The following EXOC6B variants were observed in gnomAD, a reference collection of about 807,000 sequenced individuals.
The protein encoded by EXOC6B is exocyst complex component 6B, also known as SEC15 homolog B.
A neutral mutation model predicts 113.5 loss-of-function variants in EXOC6B; 54 were observed. The ratio of observed to expected loss-of-function variants is 0.48; its 90% confidence interval spans 0.38 to 0.60. The LOEUF (loss-of-function observed/expected upper bound fraction) is 0.60, where lower values mean the gene tolerates loss of function less well. Among genes scored for constraint, EXOC6B ranks in the 20% least tolerant of loss-of-function variants. The pLI, the probability that EXOC6B is intolerant of heterozygous loss-of-function variation, is 0.00. For missense variants in EXOC6B, 797 were observed against 977.5 expected (o/e 0.82, Z 2.46); for synonymous variants, 357 against 339.0 (o/e 1.05, Z -0.58).
intron 16 of EXOC6B, among the ~76,000 whole-genome samples, chr2:72,489,608 CA>C (rs1170133220): frequency 6.6e-6 from 1 of 152,130 alleles, no homozygotes; most frequent in African/African-American, 2.4e-5. Flanking sequence ...ACATAGAAAG[CA>C]AAGTAATTTG....
At chr2:72,714,957 A>AT (rs748413760) in intron 6 of EXOC6B, among the ~76,000 whole-genome samples, 15 of 152,186 alleles carry the variant, frequency 9.9e-5, no homozygotes, top group Non-Finnish European at 1.8e-4. Flanking sequence ...AAAAACACAA[A>AT]TGTGGACTAA....
chr2:72,267,301 GGA>G (rs1284077750), intron 20 of EXOC6B, among the ~76,000 whole-genome samples: 5 of 152,162 alleles, frequency 3.3e-5, no homozygotes, highest in Non-Finnish European at 7.3e-5. Context: ...ATGTTGAATA[GGA>G]GTGGTGAGAG....
At chr2:72,206,898 CA>C (rs968641653) in intron 20 of EXOC6B, among the ~76,000 whole-genome samples, 2 of 151,366 alleles carry the variant, frequency 1.3e-5, no homozygotes, top group South Asian at 2.1e-4. Flanking sequence ...ATGCTTTTTG[CA>C]AAAAAAATTC....
At chr2:72,566,991 C>A (rs1337142412) in intron 7 of EXOC6B, among the ~76,000 whole-genome samples, 9 of 151,956 alleles carry the variant, frequency 5.9e-5, no homozygotes. Context: ...CAAAAACTAA[C>A]AACACTCATT....
intron 1 of EXOC6B, among the ~76,000 whole-genome samples, chr2:72,752,449 C>A: frequency 6.6e-6 from 1 of 152,002 alleles, no homozygotes; most frequent in East Asian, 1.9e-4. Flanking sequence ...AACAAAACAA[C>A]ACAGCCCATT....
intron 6 of EXOC6B, among the ~76,000 whole-genome samples, chr2:72,701,373 G>GA (rs1352582898): frequency 1.4e-5 from 2 of 147,100 alleles, no homozygotes; most frequent in Admixed American, 6.8e-5. Context: ...GTACCTAAGA[G>GA]AAAAAATTCC....
At chr2:72,594,494 G>A (rs1669941421) in intron 6 of EXOC6B, among the ~76,000 whole-genome samples, 1 of 152,148 alleles carries the variant, frequency 6.6e-6, no homozygotes, top group African/African-American at 2.4e-5. Context: ...TGAACACCCA[G>A]GAGATGATGG....
intron 6 of EXOC6B, among the ~76,000 whole-genome samples, chr2:72,644,273 G>A (rs1244763587): frequency 2.6e-5 from 4 of 152,100 alleles, no homozygotes; most frequent in Non-Finnish European, 1.5e-5. Flanking sequence ...AATGAACAAA[G>A]CCTCCAAGAA....
chr2:72,244,716 A>G (rs1482182437), intron 20 of EXOC6B, among the ~76,000 whole-genome samples: 1 of 152,184 alleles, frequency 6.6e-6, no homozygotes, highest in Non-Finnish European at 1.5e-5. Context: ...AAAAGGGGCT[A>G]TCATGACTGA....
Position 72,825,535 on chromosome 2 carries a change from G to A in EXOC6B, c.113+263C>T, listed in dbSNP as rs1004042140. ...GGGCGCCCTCTCGTTCCCCAGCGCC[G>A]GACCAGCCTCGGAGGGAGAACGAAG... On this transcript the variant is annotated intron_variant, in intron 1 of 21. Coordinates refer to ENST00000272427, the MANE Select transcript of EXOC6B (RefSeq NM_015189.3). The surrounding 1 kb of genome is among the most constrained non-coding windows in gnomAD (Gnocchi z 4.4). Among the ~76,000 whole-genome samples, 6 of 152,182 alleles carry A rather than the reference G, an allele frequency of 3.9e-5. No individual in the cohort carries two copies. Among genetic ancestry groups the A allele is most frequent in the African/African-American group, 1.4e-4 (6 of 41,454 alleles).
At chr2:72,629,859 T>C (rs1285194359) in intron 6 of EXOC6B, among the ~76,000 whole-genome samples, 1 of 152,170 alleles carries the variant, frequency 6.6e-6, no homozygotes, top group Non-Finnish European at 1.5e-5. Context: ...CAACATGCCA[T>C]CCCCAGAGCC....
At chr2:72,252,189 G>A (rs1187524775) in intron 20 of EXOC6B, among the ~76,000 whole-genome samples, 1 of 152,182 alleles carries the variant, frequency 6.6e-6, no homozygotes, top group Non-Finnish European at 1.5e-5. Flanking sequence ...AGCCATAGAA[G>A]GGGTTACAGC....
rs1047808955 is a variant in EXOC6B at position 72,812,130 on chromosome 2, T to C, written c.113+13668A>G. On this transcript the variant is annotated intron_variant, in intron 1 of 21. Coordinates refer to ENST00000272427, the MANE Select transcript of EXOC6B (RefSeq NM_015189.3). ...ATAACACTATTGTTTACACAGAAAA[T>C]TCCAAGGAATCTACACAAAAACTCC... is the stretch of plus-strand genomic sequence containing the variant. 2.6e-5 allele frequency among the ~76,000 whole-genome samples: 4 copies of C among 151,674 alleles called. No individual in the cohort carries two copies. In the East Asian group the frequency reaches 7.8e-4, roughly 30 times the overall value.
At chr2:72,365,926 G>C (rs1285088189) in intron 19 of EXOC6B, among the ~76,000 whole-genome samples, 3 of 152,058 alleles carry the variant, frequency 2.0e-5, no homozygotes, top group African/African-American at 4.8e-5. Flanking sequence ...GGACCCACTA[G>C]ATACTTAAGA....
intron 8 of EXOC6B, chr2:72,515,346 CA>C (rs1455981748): frequency 2.0e-6 from 2 of 1,009,228 alleles, no homozygotes; most frequent in African/African-American, 3.3e-5. Flanking sequence ...AATATCCTTA[CA>C]AGGAACCTAC....
intron 20 of EXOC6B, among the ~76,000 whole-genome samples, chr2:72,186,768 C>G (rs1054241091): frequency 6.6e-6 from 1 of 152,158 alleles, no homozygotes; most frequent in Non-Finnish European, 1.5e-5. Flanking sequence ...AGATTTATTG[C>G]TAATACTACC....
chr2:72,774,960 T>G (rs1189733414), intron 1 of EXOC6B, among the ~76,000 whole-genome samples: 1 of 152,158 alleles, frequency 6.6e-6, no homozygotes, highest in East Asian at 1.9e-4. Context: ...TTAAGCACTT[T>G]GCTTACTTAC....
At chr2:72,356,814 T>C (rs1489860181) in intron 19 of EXOC6B, among the ~76,000 whole-genome samples, 6 of 152,142 alleles carry the variant, frequency 3.9e-5, no homozygotes, top group Non-Finnish European at 7.4e-5. Flanking sequence ...GGTCAACCAC[T>C]GACTGAAAAT....
At chr2:72,605,219 G>T (rs186883308) in intron 6 of EXOC6B, among the ~76,000 whole-genome samples, 6 of 151,722 alleles carry the variant, frequency 4.0e-5, no homozygotes, top group Non-Finnish European at 5.9e-5. Flanking sequence ...GGGAGGTAGA[G>T]GTTGCAGTGA....
Sources: allele counts gnomAD v4.1 joint callset (sites outside exome capture counted in the v4.1 genomes callset), GRCh38; gene constraint gnomAD v4.1.1; non-coding constraint Gnocchi (gnomAD v3.1); transcripts MANE v1.5; gene names NCBI Gene and HGNC (gene_info 2026-07-23, HGNC 2026-07-21).